GPC5: variants seen among roughly 807,000 people sequenced by gnomAD.
GPC5 encodes the protein glypican 5.
Under a neutral mutation model 53.9 loss-of-function variants are expected in GPC5, and 47 were observed. That is an observed-to-expected ratio of 0.87 (90% CI 0.69 to 1.11). GPC5 has a LOEUF of 1.11. Among genes scored for constraint, GPC5 ranks in the 50% most tolerant of loss-of-function variants. The pLI is 0.00. For synonymous variants in GPC5, 286 were observed against 263.3 expected (o/e 1.09, Z -0.84); for missense variants, 748 against 713.1 (o/e 1.05, Z -0.56).
intron 7 of GPC5, among the ~76,000 whole-genome samples, chr13:92,805,767 T>G (rs1175357174): frequency 6.6e-6 from 1 of 151,954 alleles, no homozygotes; most frequent in Non-Finnish European, 1.5e-5. Flanking sequence ...CAGTAGGTCT[T>G]AATAGGGGGC....
At chr13:92,054,612 C>T (rs1039580960) in intron 6 of GPC5, among the ~76,000 whole-genome samples, 8 of 152,090 alleles carry the variant, frequency 5.3e-5, no homozygotes, top group African/African-American at 1.4e-4. Context: ...GACTTTGAAC[C>T]CAGTGAGTTA....
intron 6 of GPC5, among the ~76,000 whole-genome samples, chr13:92,029,190 T>C (rs568562135): frequency 2.6e-5 from 4 of 152,268 alleles, no homozygotes; most frequent in African/African-American, 9.6e-5. Flanking sequence ...AAGTCATCTT[T>C]GTGAGGAAGA....
chr13:91,873,833 T>C (rs2039174385), intron 5 of GPC5, among the ~76,000 whole-genome samples: 1 of 152,118 alleles, frequency 6.6e-6, no homozygotes, highest in Admixed American at 6.5e-5. Flanking sequence ...AGAGGCACAC[T>C]ACAATACCCA....
intron 7 of GPC5, among the ~76,000 whole-genome samples, chr13:92,154,851 T>A (rs576699134): frequency 6.6e-6 from 1 of 152,334 alleles, no homozygotes; most frequent in South Asian, 2.1e-4. Context: ...GCATAGGTGA[T>A]AATTAAAATA....
intron 7 of GPC5, among the ~76,000 whole-genome samples, chr13:92,335,448 C>T (rs1168633579): frequency 2.0e-5 from 3 of 152,078 alleles, no homozygotes; most frequent in East Asian, 1.9e-4. Flanking sequence ...AAGGGGCTTC[C>T]GTGAAGGCCT....
At position 91,478,944 on chromosome 13, in the gene GPC5, T is replaced by A. The variant is rs1883153034; in HGVS notation, c.325+30022T>A. On this transcript the variant is annotated intron_variant, in intron 2 of 7. Transcript: ENST00000377067. ...TTTTTTTTTTCTTTAGATGCAGTCTTGTTCTGTTACCCACGTTGGAGTGCA... is the reference window on the plus strand; with the variant it reads ...TTTTTTTTTTCTTTAGATGCAGTCTAGTTCTGTTACCCACGTTGGAGTGCA... 1.4e-5 allele frequency among the ~76,000 whole-genome samples: 2 copies of A among 146,734 alleles called. 1 individual carries two copies. Among genetic ancestry groups the A allele is most frequent in the Admixed American group, 1.4e-4 (2 of 14,602 alleles).
At chr13:92,692,801 C>G (rs1887451087) in intron 7 of GPC5, among the ~76,000 whole-genome samples, 1 of 104,226 alleles carries the variant, frequency 9.6e-6, no homozygotes, top group Non-Finnish European at 1.8e-5. Flanking sequence ...GCCACTCTGA[C>G]TGGTGGAGGA....
At chr13:91,892,322 T>G (rs1209282073) in intron 5 of GPC5, among the ~76,000 whole-genome samples, 5 of 151,898 alleles carry the variant, frequency 3.3e-5, no homozygotes, top group African/African-American at 1.2e-4. Context: ...CATAACTTTC[T>G]TCACATTTTT....
chr13:91,462,167 G>C (rs1881973286), intron 2 of GPC5, among the ~76,000 whole-genome samples: 1 of 152,054 alleles, frequency 6.6e-6, no homozygotes, highest in African/African-American at 2.4e-5. Context: ...TCAATGACTG[G>C]CTTAACAAAC....
intron 6 of GPC5, among the ~76,000 whole-genome samples, chr13:92,076,532 G>A (rs2041253626): frequency 6.6e-6 from 1 of 150,452 alleles, no homozygotes; most frequent in South Asian, 2.1e-4. Flanking sequence ...GTAGCTCATT[G>A]TTTTGCAATA....
intron 7 of GPC5, among the ~76,000 whole-genome samples, chr13:92,397,430 C>A (rs1490886446): frequency 6.6e-6 from 1 of 152,186 alleles, no homozygotes; most frequent in African/African-American, 2.4e-5. Context: ...TCTGAGGCTC[C>A]CCAGCCACAT....
chr13:92,700,239 G>C (rs1289854246), intron 7 of GPC5, among the ~76,000 whole-genome samples: 2 of 149,380 alleles, frequency 1.3e-5, no homozygotes, highest in African/African-American at 2.5e-5. Flanking sequence ...TCAGAGACTG[G>C]GATTGCAACC....
At chr13:91,549,676 CATG>C (rs2030510095) in intron 2 of GPC5, among the ~76,000 whole-genome samples, 1 of 152,080 alleles carries the variant, frequency 6.6e-6, no homozygotes, top group Admixed American at 6.6e-5. Flanking sequence ...CATCATATGT[CATG>C]AGGGAAATAA....
At chr13:92,391,327 G>C (rs1366369829) in intron 7 of GPC5, among the ~76,000 whole-genome samples, 1 of 152,050 alleles carries the variant, frequency 6.6e-6, no homozygotes, top group Admixed American at 6.6e-5. Context: ...TAATGAGATA[G>C]GATTGTGCAT....
At chr13:92,174,617 C>A (rs1445200396) in intron 7 of GPC5, among the ~76,000 whole-genome samples, 1 of 151,782 alleles carries the variant, frequency 6.6e-6, no homozygotes, top group Non-Finnish European at 1.5e-5. Context: ...ATACATTTAT[C>A]CACCTATACA....
At chr13:92,386,109 T>C (rs1000015556) in intron 7 of GPC5, among the ~76,000 whole-genome samples, 2 of 151,950 alleles carry the variant, frequency 1.3e-5, no homozygotes, top group South Asian at 4.1e-4. Flanking sequence ...AAATTCTTAG[T>C]TCAACATATG....
intron 7 of GPC5, among the ~76,000 whole-genome samples, chr13:92,799,447 A>G (rs1400959765): frequency 6.6e-6 from 1 of 151,838 alleles, no homozygotes; most frequent in African/African-American, 2.4e-5. Flanking sequence ...AATAGGTCTC[A>G]ATTTTTATAA....
rs913052199 is a variant in GPC5 at position 91,539,871 on chromosome 13, GA to G, written c.325+90959del. Among the ~76,000 whole-genome samples, 92 of 147,528 alleles carry G rather than the reference GA, an allele frequency of 6.2e-4. 1 individual carries two copies. The highest frequency in any genetic ancestry group is 2.1e-3 in the African/African-American group (84 of 40,360). On this transcript the variant is annotated intron_variant, in intron 2 of 7. Coordinates refer to ENST00000377067, the MANE Select transcript of GPC5 (RefSeq NM_004466.6). Reference sequence around the variant, plus strand: ...AAAAATAAAAATAAAAACATAATAGGAAAAAAAAAACCTGACAAGTTGGTGA... The same window carrying G: ...AAAAATAAAAATAAAAACATAATAGGAAAAAAAAACCTGACAAGTTGGTGA...
intron 2 of GPC5, among the ~76,000 whole-genome samples, chr13:91,597,945 C>T (rs2033052440): frequency 6.6e-6 from 1 of 151,482 alleles, no homozygotes; most frequent in Non-Finnish European, 1.5e-5. Flanking sequence ...GCAGAAAAAG[C>T]GGATGCTCAA....
Sources: gnomAD v4.1 joint callset for allele counts (sites outside exome capture counted in the v4.1 genomes callset) on GRCh38, gnomAD v4.1.1 for gene constraint, MANE v1.5 for transcripts, NCBI Gene and HGNC (gene_info 2026-07-23, HGNC 2026-07-21) for gene names.